The following ANGPT1 variants were observed in gnomAD, a reference collection of about 807,000 sequenced individuals.
The protein encoded by ANGPT1 is angiopoietin 1.
Under a neutral mutation model 62.2 loss-of-function variants are expected in ANGPT1, and 17 were observed. The observed-to-expected ratio is 0.27, with a 90% CI of 0.19 to 0.41. The LOEUF (loss-of-function observed/expected upper bound fraction) is 0.41, where lower values mean the gene tolerates loss of function less well. Among genes scored for constraint, ANGPT1 ranks in the 10% least tolerant of loss-of-function variants. The pLI, the probability that ANGPT1 is intolerant of heterozygous loss-of-function variation, is 1.00. For synonymous variants in ANGPT1, 199 were observed against 198.9 expected (o/e 1.00, Z 0.00); for missense variants, 478 against 594.9 (o/e 0.80, Z 2.04).
chr8:107,379,244 A>C (rs563887099), intron 1 of ANGPT1, among the ~76,000 whole-genome samples: 1 of 148,830 alleles, frequency 6.7e-6, no homozygotes. Flanking sequence ...GCAGACATTC[A>C]TCACCTGCAC....
chr8:107,330,724 C>T (rs1035308836), intron 3 of ANGPT1, among the ~76,000 whole-genome samples: 6 of 151,928 alleles, frequency 3.9e-5, no homozygotes, highest in East Asian at 3.9e-4. Flanking sequence ...AAGGATGGGA[C>T]GGATTAGAAA....
At chr8:107,429,315 T>C (rs915902674) in intron 1 of ANGPT1, among the ~76,000 whole-genome samples, 3 of 152,218 alleles carry the variant, frequency 2.0e-5, no homozygotes, top group South Asian at 4.1e-4. Flanking sequence ...AAACCCGGAC[T>C]TCCCGGGGAG....
intron 1 of ANGPT1, among the ~76,000 whole-genome samples, chr8:107,422,123 G>A (rs781465709): frequency 3.9e-5 from 6 of 151,986 alleles, no homozygotes; most frequent in Non-Finnish European, 7.4e-5. Context: ...GGGTAATTTC[G>A]AGAAACATAA....
At chr8:107,333,041 C>G (rs955646734) in intron 3 of ANGPT1, among the ~76,000 whole-genome samples, 2 of 152,130 alleles carry the variant, frequency 1.3e-5, no homozygotes, top group Non-Finnish European at 2.9e-5. Context: ...ATATAAATTG[C>G]CTGGCAGAGC....
chr8:107,399,001 C>G lies in ANGPT1; in HGVS notation c.298-51904G>C, dbSNP rs563735916. 3.9e-5 allele frequency among the ~76,000 whole-genome samples: 6 copies of G among 152,170 alleles called. No individual in the cohort carries two copies. The South Asian group carries it at 1.2e-3, about 32-fold the overall frequency. Reference sequence around the variant, plus strand: ...AAAGAAATTAGAAATGTGTTTAAACCAAGCAAACAAATTTAAAAACCCACA... The same window carrying G: ...AAAGAAATTAGAAATGTGTTTAAACGAAGCAAACAAATTTAAAAACCCACA... On this transcript the variant is annotated intron_variant, in intron 1 of 8. Transcript: ENST00000517746.
chr8:107,476,328 T>C (rs1043614865), intron 1 of ANGPT1, among the ~76,000 whole-genome samples: 1 of 151,946 alleles, frequency 6.6e-6, no homozygotes, highest in Admixed American at 6.6e-5. Context: ...AGCAAACTAT[T>C]GCAAGGACAA....
chr8:107,461,254 A>G (rs572748710), intron 1 of ANGPT1, among the ~76,000 whole-genome samples: 58 of 152,220 alleles, frequency 3.8e-4, no homozygotes, highest in South Asian at 2.5e-3. Context: ...GAAATTTGGG[A>G]AACTCTGGTA....
rs71308727 is a variant in ANGPT1, at chr8:107,370,340, A to AAAAGAAAGAAAG, written c.298-23255_298-23244dup. Among the ~76,000 whole-genome samples, 170 of 54,420 alleles carry AAAAGAAAGAAAG rather than the reference A, an allele frequency of 3.1e-3. 7 individuals carry two copies. The highest frequency in any genetic ancestry group is 5.3e-3 in the African/African-American group (75 of 14,138). The allele number at this position is 54,420 out of a possible 152,430, so 35.7% of individuals were successfully genotyped here. A position where few individuals can be genotyped will look rare whatever the true frequency, so the allele number is the denominator to read the frequency against. ...GAAGGAAAGAGAAAGGAAAGAAAGA[A>AAAAGAAAGAAAG]AAAGAAAGAAAGAAAGAAAGAAAGA... On this transcript the variant is annotated intron_variant, in intron 1 of 8. Transcript: ENST00000517746.
intron 1 of ANGPT1, among the ~76,000 whole-genome samples, chr8:107,412,866 C>T (rs2130359473): frequency 6.6e-6 from 1 of 152,214 alleles, no homozygotes; most frequent in Non-Finnish European, 1.5e-5. Context: ...GTGGATGGCT[C>T]ATAGTAGGCT....
At chr8:107,299,741 CTATAT>C (rs1163741882) in intron 5 of ANGPT1, among the ~76,000 whole-genome samples, 1 of 121,836 alleles carries the variant, frequency 8.2e-6, no homozygotes, top group Non-Finnish European at 1.6e-5. Flanking sequence ...TCTAGATATA[CTATAT>C]ATCTAGATAT....
intron 1 of ANGPT1, among the ~76,000 whole-genome samples, chr8:107,391,208 C>G (rs888682529): frequency 6.6e-5 from 10 of 152,160 alleles, no homozygotes; most frequent in Admixed American, 4.6e-4. Context: ...TGGTTCCCAT[C>G]ATAATGTGGG....
At chr8:107,441,309 A>G (rs1037458557) in intron 1 of ANGPT1, among the ~76,000 whole-genome samples, 1 of 152,118 alleles carries the variant, frequency 6.6e-6, no homozygotes, top group African/African-American at 2.4e-5. Context: ...ATACTGGTTT[A>G]TTTTCTACCC....
At chr8:107,458,896 G>C (rs902610303) in intron 1 of ANGPT1, among the ~76,000 whole-genome samples, 35 of 151,892 alleles carry the variant, frequency 2.3e-4, no homozygotes, top group African/African-American at 8.0e-4. Flanking sequence ...ACAAAACTAG[G>C]GCCCCAAAAG....
chr8:107,442,849 G>T (rs1334203737), intron 1 of ANGPT1, among the ~76,000 whole-genome samples: 6 of 152,170 alleles, frequency 3.9e-5, no homozygotes, highest in African/African-American at 1.4e-4. Flanking sequence ...GTATCTGCTT[G>T]TAAGAAGGTG....
At chr8:107,439,382 T>C (rs1761923936) in intron 1 of ANGPT1, among the ~76,000 whole-genome samples, 1 of 152,242 alleles carries the variant, frequency 6.6e-6, no homozygotes, top group African/African-American at 2.4e-5. Context: ...ATTAACATCA[T>C]GACCTTATGT....
chr8:107,423,862 A>G (rs1202297167), intron 1 of ANGPT1, among the ~76,000 whole-genome samples: 5 of 105,228 alleles, frequency 4.8e-5, no homozygotes, highest in Non-Finnish European at 8.7e-5. Context: ...TTTTTCTGAG[A>G]CAGAGTCTTG....
At chr8:107,274,286 A>C (rs1465607989) in intron 7 of ANGPT1, among the ~76,000 whole-genome samples, 1 of 152,134 alleles carries the variant, frequency 6.6e-6, no homozygotes, top group African/African-American at 2.4e-5. Flanking sequence ...CAGGAAAATA[A>C]TAGTAACACG....
intron 1 of ANGPT1, among the ~76,000 whole-genome samples, chr8:107,376,648 G>A (rs185477998): frequency 1.8e-4 from 28 of 152,038 alleles, no homozygotes; most frequent in Non-Finnish European, 4.0e-4. Flanking sequence ...TGAGAGATAC[G>A]GTAAGGCCTA....
intron 2 of ANGPT1, 73 bp downstream of exon 2, chr8:107,346,869 T>C (rs1815815017): frequency 1.5e-6 from 2 of 1,364,786 alleles, no homozygotes; most frequent in Non-Finnish European, 2.0e-6. Context: ...ATGTGCTCTG[T>C]GTTTATGGAG....
Sources: allele counts gnomAD v4.1 joint callset (sites outside exome capture counted in the v4.1 genomes callset), GRCh38; gene constraint gnomAD v4.1.1; transcripts MANE v1.5; gene names NCBI Gene and HGNC (gene_info 2026-07-23, HGNC 2026-07-21).